The following ZNF582 variants were observed in gnomAD, a reference collection of about 807,000 sequenced individuals.
ZNF582 encodes zinc finger protein 582.
In ZNF582, 14 loss-of-function variants were observed where a neutral mutation model predicts 12.3. The ratio of observed to expected loss-of-function variants is 1.14; its 90% confidence interval spans 0.75 to 1.78. The LOEUF (loss-of-function observed/expected upper bound fraction) is 1.78. Ranked by LOEUF, ZNF582 falls within the 40% of genes most tolerant of loss-of-function variation. The probability of loss-of-function intolerance (pLI) is 0.00; values close to 1 mark genes in which losing one functional copy is unlikely to be tolerated. For missense variants in ZNF582, 567 were observed against 616.5 expected (o/e 0.92, Z 0.85); for synonymous variants, 210 against 207.2 (o/e 1.01, Z -0.11).
chr19:56,384,888 T>C lies in ZNF582; in HGVS notation c.529A>G (p.Arg177Gly), dbSNP rs763220806. Residue 177 changes from arginine (R) to glycine (G), a missense_variant, in exon 5 of 5, where the codon AGA becomes GGA. Arg to Gly is a moderately radical substitution (Grantham distance 125). Transcript: ENST00000586929. ...AGTTCCTTTTGCCAGAAGTCTTTTC[T>C]ACATTTATTATACCCAAAAGGTTTT... 10 of 1,613,036 alleles carry C rather than the reference T, an allele frequency of 6.2e-6. No homozygotes were observed. In the South Asian group the frequency reaches 7.7e-5, roughly 12 times the overall value.
At chr19:56,393,253 G>C (rs1182025215) in exon 1 of ZNF582, 2 of 1,247,480 alleles carry the variant, frequency 1.6e-6, no homozygotes, top group Admixed American at 3.3e-5. Flanking sequence ...TATGAGGCTG[G>C]AAGCAGAAAG....
chr19:56,383,573 CTG>C (rs1439159147), exon 5 of ZNF582: 1 of 254,306 alleles, frequency 3.9e-6, no homozygotes, highest in Admixed American at 5.4e-5. Context: ...AAATGATAAT[CTG>C]GCTGTTTTTT....
At chr19:56,391,879 T>A in intron 1 of ZNF582, 47 bp from the exon 2 acceptor site, 3 of 1,538,710 alleles carry the variant, frequency 1.9e-6, no homozygotes, top group Non-Finnish European at 2.7e-6. Context: ...TGCCTCACAG[T>A]TCCTAGAATG....
At chr19:56,391,005 G>A (rs2042010013) in intron 2 of ZNF582, among the ~76,000 whole-genome samples, 1 of 152,114 alleles carries the variant, frequency 6.6e-6, no homozygotes, top group Non-Finnish European at 1.5e-5. Context: ...CATTATGTTG[G>A]AACATAACAC....
intron 4 of ZNF582, among the ~76,000 whole-genome samples, chr19:56,388,778 A>G (rs1199171563): frequency 3.3e-5 from 5 of 152,150 alleles, no homozygotes; most frequent in African/African-American, 4.8e-5. Context: ...GATTATAGGC[A>G]CGTGCCACCA....
exon 4 of ZNF582, chr19:56,390,079 G>A: frequency 6.2e-7 from 1 of 1,613,748 alleles, no homozygotes; most frequent in Non-Finnish European, 8.5e-7. Flanking sequence ...ATCACATCAG[G>A]TTTGGAAACG....
At chr19:56,383,976 T>C (rs2041939813) in exon 5 of ZNF582, 1 of 1,613,954 alleles carries the variant, frequency 6.2e-7, no homozygotes, top group African/African-American at 1.3e-5. Flanking sequence ...ACATTTATTA[T>C]ATTCACATGT....
At position 56,390,412 on chromosome 19, in the gene ZNF582, G is replaced by C. The variant is rs377653896; in HGVS notation, c.99C>G (p.Asp33Glu). ...GGTTGCTGTAGGTCTCCAACATCAC[G>C]TCTCTGTACAAATCCCTCTGAGCAG... Residue 33 changes from aspartate (D) to glutamate (E), a missense_variant, in exon 3 of 5, where the codon GAC (aspartate) becomes GAG (glutamate). Coordinates refer to ENST00000586929, the Ensembl canonical transcript of ZNF582. 4 of 1,613,968 alleles carry C rather than the reference G, an allele frequency of 2.5e-6. No homozygotes were observed. In the African/African-American group the frequency reaches 5.3e-5, roughly 22 times the overall value.
chr19:56,391,321 G>T (rs2042012106), intron 2 of ZNF582, among the ~76,000 whole-genome samples: 1 of 152,176 alleles, frequency 6.6e-6, no homozygotes, highest in Admixed American at 6.5e-5. Context: ...TCAAATTTTT[G>T]ATGGATTCCC....
In ZNF582 at chr19:56,383,993, CT is replaced by C. The variant is rs767087488; in HGVS notation, c.1423del (p.Arg475GlufsTer5). 1.2e-6 allele frequency: 2 copies of C among 1,614,002 alleles called. No individual in the cohort carries two copies. The highest frequency in any genetic ancestry group is 1.7e-6 in the Non-Finnish European group (2 of 1,179,980). ...ATTTATTATATTCACATGTGTTTCTCTATTATGCATTCTCTGAGGTTGAACG... is the reference window on the plus strand; with the variant it reads ...ATTTATTATATTCACATGTGTTTCTCATTATGCATTCTCTGAGGTTGAACG... On this transcript the variant is annotated frameshift_variant, in exon 5 of 5. Coordinates refer to ENST00000586929, the Ensembl canonical transcript of ZNF582. LOFTEE classifies it low-confidence loss of function (END_TRUNC).
At chr19:56,383,832 G>C (rs1195351744) in exon 5 of ZNF582, 3 of 1,516,830 alleles carry the variant, frequency 2.0e-6, no homozygotes, top group East Asian at 2.3e-5. Context: ...CTTTCTCCAA[G>C]AGGGAGAAGT....
intron 1 of ZNF582, among the ~76,000 whole-genome samples, chr19:56,392,888 T>C (rs2042026928): frequency 6.6e-6 from 1 of 152,186 alleles, no homozygotes; most frequent in Non-Finnish European, 1.5e-5. Flanking sequence ...ATTATGAATG[T>C]TGCTTAATAT....
chr19:56,384,149 T>C lies in ZNF582; in HGVS notation c.1268A>G (p.Tyr423Cys), dbSNP rs753035037. ...AGCCTTCCCACATTCCTTACATTCA[T>C]ATGGCTTTTCACCTGTATGAATTCT... Residue 423 changes from tyrosine (Y) to cysteine (C), a missense_variant, in exon 5 of 5, where the codon TAT (tyrosine) becomes TGT (cysteine). Transcript: ENST00000586929. The C allele has an allele frequency of 1.2e-5, 20 of 1,612,900 alleles. No homozygotes were observed. The highest frequency in any genetic ancestry group is 4.5e-5 in the East Asian group (2 of 44,870).
exon 5 of ZNF582, chr19:56,383,937 A>T: frequency 6.2e-7 from 1 of 1,611,440 alleles, no homozygotes; most frequent in African/African-American, 1.3e-5. Flanking sequence ...ATGATTAGTA[A>T]GGGGTAACTG....
At chr19:56,390,673 T>C (rs1245176178) in intron 2 of ZNF582, among the ~76,000 whole-genome samples, 172 bp from the exon 3 acceptor site, 2 of 152,154 alleles carry the variant, frequency 1.3e-5, no homozygotes, top group Non-Finnish European at 2.9e-5. Context: ...AATGATCAAA[T>C]TGTTCTCAAA....
At chr19:56,384,621 G>C (rs374319071) in exon 5 of ZNF582, 1 of 1,613,946 alleles carries the variant, frequency 6.2e-7, no homozygotes, top group Admixed American at 1.7e-5. Context: ...TGTGAGCTTC[G>C]ACTAAAGGCC....
At chr19:56,388,655 CAG>C (rs2041988716) in intron 4 of ZNF582, among the ~76,000 whole-genome samples, 1 of 152,010 alleles carries the variant, frequency 6.6e-6, no homozygotes, top group South Asian at 2.1e-4. Flanking sequence ...CTTTTTGAGA[CAG>C]AGTCTCTCTC....
At chr19:56,390,581 G>A (rs117001351) in intron 2 of ZNF582, 80 bp from the exon 3 acceptor site, 49,299 of 1,530,070 alleles carry the variant, frequency 0.032, 1,038 homozygotes, top group Non-Finnish European at 0.037. Flanking sequence ...AGGTCTTTGC[G>A]GGAGGGGGGG....
chr19:56,392,052 T>C (rs2042018313), intron 1 of ZNF582, among the ~76,000 whole-genome samples: 1 of 152,162 alleles, frequency 6.6e-6, no homozygotes, highest in Non-Finnish European at 1.5e-5. Context: ...AAACATCCAG[T>C]GGTTCTGTTT....
Sources: allele counts gnomAD v4.1 joint callset (sites outside exome capture counted in the v4.1 genomes callset), GRCh38; gene constraint gnomAD v4.1.1; transcripts MANE v1.5; gene names NCBI Gene and HGNC (gene_info 2026-07-23, HGNC 2026-07-21).